GLTP: variants seen among roughly 807,000 people sequenced by gnomAD.
GLTP encodes glycolipid transfer protein.
A neutral mutation model predicts 24.0 loss-of-function variants in GLTP; 22 were observed. That is an observed-to-expected ratio of 0.92 (90% CI 0.65 to 1.31). The LOEUF is 1.31. Ranked by LOEUF, GLTP falls within the 50% of genes most tolerant of loss-of-function variation. The pLI, the probability that GLTP is intolerant of heterozygous loss-of-function variation, is 0.00. For missense variants in GLTP, 224 were observed against 276.6 expected, an observed-to-expected ratio of 0.81 and a Z score of 1.35; for synonymous variants, 92 against 115.9, an observed-to-expected ratio of 0.79 and a Z score of 1.33.
intron 1 of GLTP, among the ~76,000 whole-genome samples, chr12:109,870,750 A>G (rs1363190314): frequency 2.0e-5 from 3 of 152,174 alleles, no homozygotes; most frequent in Non-Finnish European, 4.4e-5. Flanking sequence ...TGTATTCCAG[A>G]CCATTAAGAC....
intron 1 of GLTP, among the ~76,000 whole-genome samples, chr12:109,860,860 C>T (rs1301346906): frequency 6.6e-6 from 1 of 152,226 alleles, no homozygotes; most frequent in East Asian, 1.9e-4. Context: ...CACAGGACAT[C>T]TTGCCCCTTA....
rs1426268813 is a variant in GLTP, at chr12:109,852,260, G to C, written c.*295C>G. 3.7e-6 allele frequency: 1 copy of C among 268,328 alleles called. No individual in the cohort carries two copies. The highest frequency in any genetic ancestry group is 7.4e-5 in the East Asian group (1 of 13,442). 16.6% of individuals were successfully genotyped at this position (268,328 alleles called of 1,614,324 possible). ...CCCTAGGACTTGACTCATTAGAAGTGTTAATCGGTTTTTACCACGCTGAAA... is the reference window on the plus strand; with the variant it reads ...CCCTAGGACTTGACTCATTAGAAGTCTTAATCGGTTTTTACCACGCTGAAA... On this transcript the variant is annotated 3_prime_UTR_variant, in exon 5 of 5. Coordinates refer to ENST00000318348, the MANE Select transcript of GLTP (RefSeq NM_016433.4).
Position 109,855,889 on chromosome 12 carries a change from T to C in GLTP, c.297-120A>G. The C allele has an allele frequency of 1.4e-6, 1 of 713,680 alleles. No homozygotes were observed. The highest frequency in any genetic ancestry group is 2.2e-6 in the Non-Finnish European group (1 of 450,772). 44.2% of individuals were successfully genotyped at this position (713,680 alleles called of 1,614,324 possible). A position where few individuals can be genotyped will look rare whatever the true frequency, so the allele number is the denominator to read the frequency against. On this transcript the variant is annotated intron_variant, in intron 3 of 4. Transcript: ENST00000318348. The surrounding 1 kb of genome is among the most constrained non-coding windows in gnomAD (Gnocchi z 4.1). ...AGGAACATGGGCGCCCCAGAGGGAGTGGTTATTCCCTAATCATCTTTCCCT... is the reference window on the plus strand; with the variant it reads ...AGGAACATGGGCGCCCCAGAGGGAGCGGTTATTCCCTAATCATCTTTCCCT...
At chr12:109,856,436 T>C (rs995598095) in intron 3 of GLTP, among the ~76,000 whole-genome samples, 2 of 152,132 alleles carry the variant, frequency 1.3e-5, no homozygotes, top group African/African-American at 4.8e-5. Flanking sequence ...CTTGCTTCCC[T>C]GGGGCCTGTG....
intron 1 of GLTP, among the ~76,000 whole-genome samples, chr12:109,876,545 A>T (rs1404425890): frequency 6.8e-6 from 1 of 146,762 alleles, no homozygotes; most frequent in Non-Finnish European, 1.5e-5. Context: ...AAGGAAGAAA[A>T]GAAAGGAAAG....
intron 1 of GLTP, among the ~76,000 whole-genome samples, chr12:109,863,537 T>C (rs1418632430): frequency 6.6e-6 from 1 of 152,226 alleles, no homozygotes; most frequent in African/African-American, 2.4e-5. Context: ...GTGGAATCTG[T>C]CAGCGTATTT....
intron 1 of GLTP, among the ~76,000 whole-genome samples, chr12:109,873,516 C>A (rs1255166585): frequency 6.6e-6 from 1 of 151,910 alleles, no homozygotes; most frequent in Non-Finnish European, 1.5e-5. Flanking sequence ...CATCTGTAAT[C>A]CCAGCTACTG....
intron 4 of GLTP, among the ~76,000 whole-genome samples, chr12:109,854,480 G>C (rs1892770760): frequency 6.6e-6 from 1 of 151,710 alleles, no homozygotes; most frequent in Admixed American, 6.6e-5. Context: ...ATGACTCTTT[G>C]AGTAGTGCCT....
Position 109,867,313 on chromosome 12 carries a change from C to T in GLTP, c.104-8572G>A, listed in dbSNP as rs1012873038. The stretch of plus-strand genomic sequence containing the variant: ...ACAGGCGCACGCCACCATGCCAGGC[C>T]AATTTTTTGTATTTTAGTAGAGACA... On this transcript the variant is annotated intron_variant, in intron 1 of 4. Coordinates refer to ENST00000318348, the MANE Select transcript of GLTP (RefSeq NM_016433.4). Among the ~76,000 whole-genome samples the T allele has an allele frequency of 2.6e-5, 4 of 151,586 alleles. No individual in the cohort carries two copies. In the South Asian group the frequency reaches 6.2e-4, roughly 24 times the overall value.
At chr12:109,871,072 A>G (rs957619780) in intron 1 of GLTP, among the ~76,000 whole-genome samples, 10 of 141,370 alleles carry the variant, frequency 7.1e-5, no homozygotes, top group Non-Finnish European at 1.1e-4. Context: ...AGGACCCAAC[A>G]TTTCCATTCT....
intron 3 of GLTP, among the ~76,000 whole-genome samples, chr12:109,856,897 G>A (rs1892804748): frequency 6.6e-6 from 1 of 152,160 alleles, no homozygotes; most frequent in Admixed American, 6.5e-5. Context: ...AGCCAGGCAT[G>A]GTGGTGCACA....
intron 1 of GLTP, among the ~76,000 whole-genome samples, chr12:109,864,373 AC>A (rs1192071146): frequency 6.6e-6 from 1 of 152,204 alleles, no homozygotes; most frequent in Non-Finnish European, 1.5e-5. Context: ...GGGCAGTGGC[AC>A]TGAAGCAGTG....
chr12:109,855,530 C>T lies in GLTP; in HGVS notation c.447+89G>A. 8.3e-7 allele frequency: 1 copy of T among 1,209,442 alleles called. No homozygotes were observed. The highest frequency in any genetic ancestry group is 2.6e-5 in the East Asian group (1 of 39,060). The allele number at this position is 1,209,442 out of a possible 1,614,324, so 74.9% of individuals were successfully genotyped here. A position where few individuals can be genotyped will look rare whatever the true frequency, so the allele number is the denominator to read the frequency against. On this transcript the variant is annotated intron_variant, in intron 4 of 4. Coordinates refer to ENST00000318348, the MANE Select transcript of GLTP (RefSeq NM_016433.4). The surrounding 1 kb of genome is among the most constrained non-coding windows in gnomAD (Gnocchi z 4.1). ...GCCCGAGGGGGTAAACACAGCCTCA[C>T]AGGCCAGGAGGCCTCGGCTAAGCAG... is the stretch of plus-strand genomic sequence containing the variant.
intron 1 of GLTP, among the ~76,000 whole-genome samples, chr12:109,871,364 C>T (rs555720406): frequency 3.9e-5 from 6 of 152,288 alleles, no homozygotes; most frequent in Non-Finnish European, 7.4e-5. Context: ...GGATTACAGG[C>T]ATGAGCCACT....
intron 1 of GLTP, among the ~76,000 whole-genome samples, chr12:109,863,518 G>A (rs1392733807): frequency 6.6e-6 from 1 of 152,218 alleles, no homozygotes; most frequent in East Asian, 1.9e-4. Context: ...TGAATGGACT[G>A]TGGGAAACGT....
Position 109,880,314 on chromosome 12 carries a change from C to T in GLTP, c.61G>A (p.Gly21Arg). The T allele has an allele frequency of 1.3e-6, 2 of 1,597,128 alleles. No individual in the cohort carries two copies. Among genetic ancestry groups the T allele is most frequent in the Non-Finnish European group, 1.7e-6 (2 of 1,172,108 alleles). Residue 21 changes from glycine (G) to arginine (R), a missense_variant, in exon 1 of 5, where the codon GGG becomes AGG. Transcript: ENST00000318348. The surrounding 1 kb of genome is among the most constrained non-coding windows in gnomAD (Gnocchi z 5.1). ...PLPADKQIET[G>R]PFLEAVSHLP... ...TGGGACACCGCCTCGAGGAAGGGCC[C>T]GGTCTCGATCTGCTTGTCCGCGGGC... is the stretch of plus-strand genomic sequence containing the variant.
chr12:109,854,821 C>T (rs1892775209), intron 4 of GLTP, among the ~76,000 whole-genome samples: 1 of 152,194 alleles, frequency 6.6e-6, no homozygotes, highest in African/African-American at 2.4e-5. Context: ...ACGCATCTCA[C>T]CCTATGACCA....
chr12:109,879,834 TG>T (rs1253891152), intron 1 of GLTP, among the ~76,000 whole-genome samples: 1 of 151,464 alleles, frequency 6.6e-6, no homozygotes, highest in East Asian at 1.9e-4. Context: ...GCTTATGAAA[TG>T]GGGGGATTCA....
chr12:109,864,352 G>A (rs1868455440), intron 1 of GLTP, among the ~76,000 whole-genome samples: 1 of 152,182 alleles, frequency 6.6e-6, no homozygotes, highest in Non-Finnish European at 1.5e-5. Flanking sequence ...AATTAGCAGT[G>A]GCGTCAACCT....
Sources: gnomAD v4.1 joint callset for allele counts (sites outside exome capture counted in the v4.1 genomes callset) on GRCh38, gnomAD v4.1.1 for gene constraint, Gnocchi (gnomAD v3.1) non-coding constraint, MANE v1.5 for transcripts, NCBI Gene and HGNC (gene_info 2026-07-23, HGNC 2026-07-21) for gene names.